KIRREL3: variants seen among roughly 807,000 people sequenced by gnomAD.
The protein encoded by KIRREL3 is kin of IRRE-like protein 3.
Under a neutral mutation model 89.7 loss-of-function variants are expected in KIRREL3, and 36 were observed. The observed-to-expected ratio is 0.40, with a 90% CI of 0.31 to 0.53. KIRREL3 has a LOEUF of 0.53. Ranked by LOEUF, KIRREL3 falls within the 20% of genes least tolerant of loss-of-function variation. KIRREL3 has a pLI of 0.49. For missense variants in KIRREL3, 864 were observed against 1,056.6 expected (o/e 0.82, Z 2.53); for synonymous variants, 445 against 441.4 (o/e 1.01, Z -0.10).
At chr11:126,803,752 G>A (rs1290248948) in intron 1 of KIRREL3, among the ~76,000 whole-genome samples, 1 of 151,984 alleles carries the variant, frequency 6.6e-6, no homozygotes, top group Non-Finnish European at 1.5e-5. Flanking sequence ...CAGTACATGG[G>A]GTTTTTACCT....
At chr11:126,759,075 G>A (rs1949592276) in intron 1 of KIRREL3, among the ~76,000 whole-genome samples, 1 of 152,182 alleles carries the variant, frequency 6.6e-6, no homozygotes, top group African/African-American at 2.4e-5. Context: ...TCTGCATACA[G>A]GAAGAAACTA....
In KIRREL3 at chr11:126,736,053, G is replaced by A. The variant is rs988021775; in HGVS notation, c.56-173141C>T. 1.3e-5 allele frequency among the ~76,000 whole-genome samples: 2 copies of A among 152,148 alleles called. No homozygotes were observed. The highest frequency in any genetic ancestry group is 4.8e-5 in the African/African-American group (2 of 41,438). On this transcript the variant is annotated intron_variant, in intron 1 of 16. Coordinates refer to ENST00000525144, the MANE Select transcript of KIRREL3 (RefSeq NM_032531.4). The surrounding 1 kb of genome is among the most constrained non-coding windows in gnomAD (Gnocchi z 5.0). ...GAGAGTTTTTATGAAACTGCCTAGC[G>A]TAGTGCCTAGCAGAGAGTACATGTT...
rs1225022262 is a variant in KIRREL3, at chr11:126,940,308, T to A, written c.55+60147A>T. On this transcript the variant is annotated intron_variant, in intron 1 of 16. Transcript: ENST00000525144. The surrounding 1 kb of genome is among the most constrained non-coding windows in gnomAD (Gnocchi z 4.6). The stretch of plus-strand genomic sequence containing the variant: ...TTCTAGATTGGAAAAACAATAGTTG[T>A]TTCTTTTTTCTTTTATTTCAGCAGG... The A allele has an allele frequency of 6.6e-6, 1 of 152,228 alleles. No individual in the cohort carries two copies. Among genetic ancestry groups the A allele is most frequent in the Non-Finnish European group, 1.5e-5 (1 of 68,050 alleles). 9.4% of individuals were successfully genotyped at this position (152,228 alleles called of 1,614,324 possible). A position where few individuals can be genotyped will look rare whatever the true frequency, so the allele number is the denominator to read the frequency against.
At chr11:126,853,298 A>G (rs1423268480) in intron 1 of KIRREL3, among the ~76,000 whole-genome samples, 2 of 152,214 alleles carry the variant, frequency 1.3e-5, no homozygotes, top group Non-Finnish European at 2.9e-5. Context: ...CATATAGGAA[A>G]CTTGGCTTTC....
chr11:126,425,721 C>A lies in KIRREL3; in HGVS notation c.1810G>T (p.Asp604Tyr), dbSNP rs1173086593. 5.0e-6 allele frequency: 8 copies of A among 1,592,678 alleles called. No homozygotes were observed. The highest frequency in any genetic ancestry group is 6.8e-6 in the Non-Finnish European group (8 of 1,168,602). Residue 604 changes from aspartate to tyrosine, a missense_variant, in exon 16 of 17, where the codon GAC (aspartate) becomes TAC (tyrosine). Transcript: ENST00000525144. ...EHSTIKQLMMDRGEFQQDSVL... is the reference protein window; with the variant it reads ...EHSTIKQLMMYRGEFQQDSVL... ...GAGTCTTGCTGGAATTCACCCCGGT[C>A]CATCTGCAACCCAAAAAAGGCTGCT...
At chr11:126,942,216 T>C (rs1451514289) in intron 1 of KIRREL3, among the ~76,000 whole-genome samples, 1 of 152,128 alleles carries the variant, frequency 6.6e-6, no homozygotes, top group Non-Finnish European at 1.5e-5. Flanking sequence ...AGTTTACTCA[T>C]TAATAAAATT....
At chr11:126,542,973 C>T (rs1390980720) in intron 2 of KIRREL3, among the ~76,000 whole-genome samples, 1 of 152,204 alleles carries the variant, frequency 6.6e-6, no homozygotes, top group African/African-American at 2.4e-5. Flanking sequence ...CATACATTAT[C>T]TTACCTAATC....
chr11:126,858,351 T>C (rs755400270), intron 1 of KIRREL3, among the ~76,000 whole-genome samples: 23 of 152,102 alleles, frequency 1.5e-4, no homozygotes, highest in Non-Finnish European at 3.2e-4. Context: ...CTTAATACAC[T>C]AAAGATCCAT....
In KIRREL3 at chr11:126,620,735, C is replaced by G. The variant is rs928146559; in HGVS notation, c.56-57823G>C. On this transcript the variant is annotated intron_variant, in intron 1 of 16. Coordinates refer to ENST00000525144, the MANE Select transcript of KIRREL3 (RefSeq NM_032531.4). This position sits in a 1 kb window ranked among gnomAD's most constrained non-coding sequence, Gnocchi z 4.8. ...AATGCTTTTATAGGTCTCTTGATCTCTTCTTCCTGCCTCATACCCCACTTT... is the reference window on the plus strand; with the variant it reads ...AATGCTTTTATAGGTCTCTTGATCTGTTCTTCCTGCCTCATACCCCACTTT... 2.0e-5 allele frequency among the ~76,000 whole-genome samples: 3 copies of G among 152,212 alleles called. No individual in the cohort carries two copies. The highest frequency in any genetic ancestry group is 7.2e-5 in the African/African-American group (3 of 41,450).
At chr11:126,839,807 C>T (rs1423258145) in intron 1 of KIRREL3, among the ~76,000 whole-genome samples, 3 of 152,152 alleles carry the variant, frequency 2.0e-5, no homozygotes, top group Admixed American at 6.5e-5. Flanking sequence ...TGTACATGCA[C>T]GCTCCTGCAA....
chr11:126,613,871 C>CTTTTTTGTTTTTT (rs1943230385), intron 1 of KIRREL3, among the ~76,000 whole-genome samples: 1 of 88,542 alleles, frequency 1.1e-5, no homozygotes, highest in African/African-American at 5.3e-5. Context: ...AATACTGTTG[C>CTTTTTTGTTTTTT]TTTTTTTTTT....
chr11:126,450,942 CGT>C (rs573510162), intron 7 of KIRREL3, among the ~76,000 whole-genome samples: 12 of 114,816 alleles, frequency 1.0e-4, no homozygotes, highest in Non-Finnish European at 1.6e-4. Flanking sequence ...TGTGTGTGGG[CGT>C]GTGTGCATGT....
intron 1 of KIRREL3, chr11:126,935,625 T>G (rs964362443): frequency 6.6e-6 from 1 of 152,166 alleles, no homozygotes; most frequent in Admixed American, 6.5e-5. Context: ...GAAGCCAATC[T>G]GAAAAGGCTA....
chr11:126,691,725 A>G (rs1342805152), intron 1 of KIRREL3, among the ~76,000 whole-genome samples: 1 of 152,254 alleles, frequency 6.6e-6, no homozygotes, highest in African/African-American at 2.4e-5. Flanking sequence ...GGATGCATTG[A>G]AGATTGATGT....
rs61124222 is a variant in KIRREL3, at chr11:126,724,232, A to G, written c.56-161320T>C. ...CTTCTGCCACGGCAAGGAGAAGATC[A>G]CTTTCTGTGTAAGATTTCTGATTCC... On this transcript the variant is annotated intron_variant, in intron 1 of 16. Coordinates refer to ENST00000525144, the MANE Select transcript of KIRREL3 (RefSeq NM_032531.4). This position sits in a 1 kb window ranked among gnomAD's most constrained non-coding sequence, Gnocchi z 4.3. Among the ~76,000 whole-genome samples the G allele has an allele frequency of 0.075, 11,475 of 152,244 alleles. 669 individuals are homozygous for G. The highest frequency in any genetic ancestry group is 0.16 in the African/African-American group (6,746 of 41,534).
chr11:126,992,630 A>C (rs929855708), intron 1 of KIRREL3: 2 of 152,180 alleles, frequency 1.3e-5, no homozygotes, highest in African/African-American at 4.8e-5. Context: ...GAATTGTTTC[A>C]CTTGTAACCT....
In KIRREL3 at chr11:126,537,950, G is replaced by A. The variant is rs1230985545; in HGVS notation, c.134-11263C>T. ...AATCTGAAGTTGCACCCATTAGAAT[G>A]CTGCATGGGTGGTGCAGGAGACAGT... On this transcript the variant is annotated intron_variant, in intron 2 of 16. Transcript: ENST00000525144. The surrounding 1 kb of genome is among the most constrained non-coding windows in gnomAD (Gnocchi z 4.3). Among the ~76,000 whole-genome samples, 1 of 151,438 alleles carries A rather than the reference G, an allele frequency of 6.6e-6. No homozygotes were observed. Among genetic ancestry groups the A allele is most frequent in the Non-Finnish European group, 1.5e-5 (1 of 67,780 alleles).
chr11:126,668,127 C>T lies in KIRREL3; in HGVS notation c.56-105215G>A, dbSNP rs1466185107. ...CATAAACTGGGTGGTTTATAAACAA[C>T]AGAAATTTATTTCTTACAGATCTAG... On this transcript the variant is annotated intron_variant, in intron 1 of 16. Coordinates refer to ENST00000525144, the MANE Select transcript of KIRREL3 (RefSeq NM_032531.4). The surrounding 1 kb of genome is among the most constrained non-coding windows in gnomAD (Gnocchi z 4.4). Among the ~76,000 whole-genome samples the T allele has an allele frequency of 5.9e-5, 9 of 152,156 alleles. No homozygotes were observed. Among genetic ancestry groups the T allele is most frequent in the Admixed American group, 2.0e-4 (3 of 15,276 alleles).
intron 5 of KIRREL3, among the ~76,000 whole-genome samples, chr11:126,470,887 G>A (rs1956867349): frequency 6.6e-6 from 1 of 152,182 alleles, no homozygotes; most frequent in Admixed American, 6.5e-5. Context: ...GGTTGGCCCA[G>A]GTATACTGTA....
Sources: allele counts gnomAD v4.1 joint callset (sites outside exome capture counted in the v4.1 genomes callset), GRCh38; gene constraint gnomAD v4.1.1; non-coding constraint Gnocchi (gnomAD v3.1); transcripts MANE v1.5; gene names NCBI Gene and HGNC (gene_info 2026-07-23, HGNC 2026-07-21).